The following PTPRG variants were observed in gnomAD, a reference collection of about 807,000 sequenced individuals.
The protein encoded by PTPRG is receptor-type tyrosine-protein phosphatase gamma.
PTPRG carries 102 observed loss-of-function variants against 165.3 expected under a neutral mutation model. The ratio of observed to expected loss-of-function variants is 0.62; its 90% confidence interval spans 0.53 to 0.73. The LOEUF is 0.73. PTPRG is among the 30% of genes least tolerant of loss of function. The probability of loss-of-function intolerance (pLI) is 0.00; values close to 1 mark genes in which losing one functional copy is unlikely to be tolerated. For synonymous variants in PTPRG, 675 were observed against 669.5 expected (o/e 1.01, Z -0.13); for missense variants, 1,866 against 1,861.4 (o/e 1.00, Z -0.05).
chr3:61,982,322 C>T (rs1488022692), intron 2 of PTPRG, among the ~76,000 whole-genome samples: 5 of 152,228 alleles, frequency 3.3e-5, no homozygotes, highest in African/African-American at 1.2e-4. Context: ...AGGAATAAAG[C>T]TGGTACAACT....
rs143833087 is a variant in PTPRG, at chr3:61,962,353, C to G, written c.191-27272C>G. 2.9e-3 allele frequency among the ~76,000 whole-genome samples: 442 copies of G among 152,250 alleles called. 1 individual carries two copies. Among genetic ancestry groups the G allele is most frequent in the Non-Finnish European group, 4.8e-3 (329 of 68,020 alleles). On this transcript the variant is annotated intron_variant, in intron 2 of 29. Transcript: ENST00000474889. Reference sequence around the variant, plus strand: ...GGTGGTAGTCAGGTAGTCAGGTTCACCTAGTTGTGAAATCTTTCCTTTGCT... The same window carrying G: ...GGTGGTAGTCAGGTAGTCAGGTTCAGCTAGTTGTGAAATCTTTCCTTTGCT...
At chr3:61,792,700 CT>C (rs1169006972) in intron 2 of PTPRG, among the ~76,000 whole-genome samples, 2 of 92,070 alleles carry the variant, frequency 2.2e-5, no homozygotes, top group African/African-American at 1.2e-4. Context: ...TTCTTTCTTT[CT>C]TTCTTTCTTT....
At chr3:61,670,138 G>C (rs1055072727) in intron 1 of PTPRG, among the ~76,000 whole-genome samples, 1 of 152,190 alleles carries the variant, frequency 6.6e-6, no homozygotes, top group African/African-American at 2.4e-5. Context: ...GGGTGTGTTA[G>C]GGGCAGATAA....
intron 2 of PTPRG, among the ~76,000 whole-genome samples, chr3:61,951,941 A>T (rs2039909262): frequency 6.6e-6 from 1 of 152,048 alleles, no homozygotes; most frequent in African/African-American, 2.4e-5. Flanking sequence ...AACATGGGGA[A>T]ACCCTGTCTT....
chr3:62,239,178 T>G (rs546513318), intron 14 of PTPRG, among the ~76,000 whole-genome samples: 1 of 152,228 alleles, frequency 6.6e-6, no homozygotes, highest in African/African-American at 2.4e-5. Flanking sequence ...TGAAGAGAAA[T>G]GATAATTTTG....
intron 2 of PTPRG, among the ~76,000 whole-genome samples, chr3:61,861,786 G>T (rs1465909523): frequency 1.3e-5 from 2 of 152,244 alleles, no homozygotes; most frequent in South Asian, 4.1e-4. Context: ...TGCTACAGTA[G>T]GGCACTTAAT....
At chr3:61,715,597 A>C (rs1436016392) in intron 1 of PTPRG, among the ~76,000 whole-genome samples, 2 of 152,108 alleles carry the variant, frequency 1.3e-5, no homozygotes, top group African/African-American at 4.8e-5. Flanking sequence ...GGGTGGAGGA[A>C]GGCCCTGGGT....
At chr3:61,789,291 G>A (rs58208807) in intron 2 of PTPRG, among the ~76,000 whole-genome samples, 3 of 152,054 alleles carry the variant, frequency 2.0e-5, no homozygotes, top group East Asian at 1.9e-4. Context: ...TTGTAGAGAC[G>A]GGGTCTCCCT....
Position 62,273,053 on chromosome 3 carries a change from C to T in PTPRG, c.3290C>T (p.Thr1097Ile), listed in dbSNP as rs1702117331. Reference protein sequence around the residue: ...NVLGFLKHIRTQRNYLVQTEE... With the variant: ...NVLGFLKHIRIQRNYLVQTEE... ...CTGGGATTCCTGAAGCATATCAGGA[C>T]ACAGCGTAACTACCTCGTCCAGACT... Residue 1097 changes from threonine (T) to isoleucine (I), a missense_variant, in exon 22 of 30, where the codon ACA becomes ATA. Thr to Ile is a moderately conservative substitution (Grantham distance 89). This residue lies in a region of PTPRG where 1,452 missense variants were observed against 1,463.0 expected (regional missense o/e 0.99). Coordinates refer to ENST00000474889, the MANE Select transcript of PTPRG (RefSeq NM_002841.4). The surrounding 1 kb of genome is among the most constrained non-coding windows in gnomAD (Gnocchi z 4.1). 2 of 1,613,514 alleles carry T rather than the reference C, an allele frequency of 1.2e-6. No individual in the cohort carries two copies. Among genetic ancestry groups the T allele is most frequent in the South Asian group, 2.2e-5 (2 of 90,998 alleles).
intron 2 of PTPRG, among the ~76,000 whole-genome samples, chr3:61,959,111 T>A (rs913987844): frequency 1.3e-5 from 2 of 152,230 alleles, no homozygotes; most frequent in African/African-American, 4.8e-5. Context: ...CATTAAGTAA[T>A]GACTTACCAG....
chr3:61,567,962 C>A (rs6785899), intron 1 of PTPRG, among the ~76,000 whole-genome samples: 1 of 124,678 alleles, frequency 8.0e-6, no homozygotes, highest in Non-Finnish European at 1.7e-5. Flanking sequence ...TGAGACCCTG[C>A]CTCAAAAAAA....
At chr3:61,776,895 C>G (rs2034399512) in intron 2 of PTPRG, among the ~76,000 whole-genome samples, 1 of 152,036 alleles carries the variant, frequency 6.6e-6, no homozygotes, top group Admixed American at 6.6e-5. Context: ...TTAATTATTG[C>G]ACGCCTGTAT....
chr3:62,189,300 A>G (rs908959549), intron 8 of PTPRG, among the ~76,000 whole-genome samples: 1 of 151,952 alleles, frequency 6.6e-6, no homozygotes, highest in African/African-American at 2.4e-5. Flanking sequence ...AAACCAATCT[A>G]CTTTTCTCCA....
chr3:61,775,120 G>T (rs1246306455), intron 2 of PTPRG, among the ~76,000 whole-genome samples: 1 of 152,106 alleles, frequency 6.6e-6, no homozygotes, highest in Non-Finnish European at 1.5e-5. Flanking sequence ...TCCCAGACTG[G>T]AGTGCAGCGG....
chr3:61,874,166 T>G (rs2037660155), intron 2 of PTPRG, among the ~76,000 whole-genome samples: 1 of 152,168 alleles, frequency 6.6e-6, no homozygotes. Context: ...ACCTTATCTT[T>G]CCAGGTTGAG....
intron 6 of PTPRG, among the ~76,000 whole-genome samples, chr3:62,139,871 A>C (rs572340079): frequency 1.5e-4 from 23 of 152,348 alleles, no homozygotes; most frequent in African/African-American, 5.5e-4. Context: ...GGCCTCTAGC[A>C]AAAAAGGAAG....
rs917546643 is a variant in PTPRG at position 61,694,383 on chromosome 3, CA to C, written c.86-54491del. On this transcript the variant is annotated intron_variant, in intron 1 of 29. Coordinates refer to ENST00000474889, the MANE Select transcript of PTPRG (RefSeq NM_002841.4). ...CTATCTCATGTTGATTGGCGAAGAT[CA>C]AAATGTTTGATAAAATACCAAACTG... is the stretch of plus-strand genomic sequence containing the variant. Among the ~76,000 whole-genome samples the C allele has an allele frequency of 4.6e-5, 7 of 152,086 alleles. 1 individual carries two copies. Among genetic ancestry groups the C allele is most frequent in the Admixed American group, 2.0e-4 (3 of 15,262 alleles).
At chr3:61,809,451 G>C (rs2035509588) in intron 2 of PTPRG, among the ~76,000 whole-genome samples, 1 of 152,072 alleles carries the variant, frequency 6.6e-6, no homozygotes, top group Non-Finnish European at 1.5e-5. Context: ...AATCCAACTG[G>C]AAGAGGAAGT....
intron 1 of PTPRG, among the ~76,000 whole-genome samples, chr3:61,627,414 T>C (rs576978190): frequency 6.6e-6 from 1 of 152,252 alleles, no homozygotes; most frequent in South Asian, 2.1e-4. Flanking sequence ...GGAAATACAA[T>C]AGAAAGTTAA....
Sources: allele counts gnomAD v4.1 joint callset (sites outside exome capture counted in the v4.1 genomes callset), GRCh38; gene constraint gnomAD v4.1.1; regional missense constraint gnomAD v4.1.1; non-coding constraint Gnocchi (gnomAD v3.1); transcripts MANE v1.5; gene names NCBI Gene and HGNC (gene_info 2026-07-23, HGNC 2026-07-21).